Variants in TTI2 observed in about 807,000 individuals in gnomAD.
TTI2 encodes the protein TELO2 interacting protein 2.
Under a neutral mutation model 44.9 loss-of-function variants are expected in TTI2, and 26 were observed. The observed-to-expected ratio is 0.58, with a 90% CI of 0.42 to 0.80. The LOEUF (loss-of-function observed/expected upper bound fraction) is 0.80, where lower values mean the gene tolerates loss of function less well. Among genes scored for constraint, TTI2 ranks in the 30% least tolerant of loss-of-function variants. The pLI is 0.00. For synonymous variants in TTI2, 254 were observed against 250.9 expected (o/e 1.01, Z -0.12); for missense variants, 582 against 611.6 (o/e 0.95, Z 0.51).
intron 4 of TTI2, among the ~76,000 whole-genome samples, chr8:33,506,917 A>C: frequency 6.7e-6 from 1 of 148,424 alleles, no homozygotes; most frequent in Non-Finnish European, 1.5e-5. Flanking sequence ...CTGGTCTCGA[A>C]CTCCTGACCT....
At chr8:33,511,587 G>C (rs943945250) in intron 2 of TTI2, among the ~76,000 whole-genome samples, 7 of 151,986 alleles carry the variant, frequency 4.6e-5, no homozygotes, top group African/African-American at 1.4e-4. Context: ...GAGGTATAAC[G>C]CTATAAAAAA....
At chr8:33,509,978 G>GAAAAAAAAAA in intron 2 of TTI2, 46 bp from the exon 3 acceptor site, 3 of 265,302 alleles carry the variant, frequency 1.1e-5, no homozygotes, top group East Asian at 6.6e-5. Flanking sequence ...GTGATAAGTA[G>GAAAAAAAAAA]CAAAAAAAAA....
intron 6 of TTI2, among the ~76,000 whole-genome samples, chr8:33,501,926 C>T (rs1468342763): frequency 6.6e-6 from 1 of 151,946 alleles, no homozygotes; most frequent in Non-Finnish European, 1.5e-5. Flanking sequence ...CATTAGTATG[C>T]TTTTTTTAAA....
At chr8:33,512,892 A>G in intron 1 of TTI2, 180 bp from the exon 2 acceptor site, 1 of 287,590 alleles carries the variant, frequency 3.5e-6, no homozygotes, top group South Asian at 6.1e-5. Context: ...AAAAAAAAAA[A>G]AAAAAGAATA....
At chr8:33,500,246 A>T in intron 7 of TTI2, 82 bp downstream of exon 7, 1 of 1,550,546 alleles carries the variant, frequency 6.4e-7, no homozygotes, top group Non-Finnish European at 8.9e-7. Context: ...GGTCAGGCAC[A>T]TACATAGTAA....
At chr8:33,504,288 C>CTT (rs1563352474) in intron 4 of TTI2, among the ~76,000 whole-genome samples, 1 of 55,784 alleles carries the variant, frequency 1.8e-5, no homozygotes, top group Admixed American at 1.6e-4. Flanking sequence ...GATATTTACA[C>CTT]ATTTTTTTTT....
At position 33,507,404 on chromosome 8, in the gene TTI2, G is replaced by A. The variant is rs1809338994; in HGVS notation, c.835-83C>T. The A allele has an allele frequency of 2.4e-6, 3 of 1,238,332 alleles. No individual in the cohort carries two copies. The African/African-American group carries it at 4.5e-5, about 18-fold the overall frequency. The allele number at this position is 1,238,332 out of a possible 1,614,324, so 76.7% of individuals were successfully genotyped here. ...GACTATCTTTGAAATTGGATTATGGGTATGAAGCATGAAGAACATGCCATC... is the reference window on the plus strand; with the variant it reads ...GACTATCTTTGAAATTGGATTATGGATATGAAGCATGAAGAACATGCCATC... On this transcript the variant is annotated intron_variant, in intron 3 of 7. Transcript: ENST00000431156.
chr8:33,499,990 T>G, intron 7 of TTI2: 1 of 179,418 alleles, frequency 5.6e-6, no homozygotes, highest in Non-Finnish European at 1.2e-5. Flanking sequence ...TATAGCCCAT[T>G]ATTTTTACTT....
At chr8:33,511,914 A>G in intron 2 of TTI2, 53 bp downstream of exon 2, 1 of 1,569,510 alleles carries the variant, frequency 6.4e-7, no homozygotes. Flanking sequence ...AATAAAAAAT[A>G]AAAATAAAAA....
Position 33,498,798 on chromosome 8 carries a change from G to T in TTI2, c.*375C>A. On this transcript the variant is annotated 3_prime_UTR_variant, in exon 8 of 8. Transcript: ENST00000431156. The stretch of plus-strand genomic sequence containing the variant: ...GTCAGTGGGGCAAGAAATCTGGAGT[G>T]AGTGAAGAAAGCTAAGTTGTGAACA... 3 of 651,414 alleles carry T rather than the reference G, an allele frequency of 4.6e-6. No homozygotes were observed. The highest frequency in any genetic ancestry group is 2.0e-5 in the South Asian group (1 of 48,972). 40.4% of individuals were successfully genotyped at this position (651,414 alleles called of 1,614,324 possible). A position where few individuals can be genotyped will look rare whatever the true frequency, so the allele number is the denominator to read the frequency against.
chr8:33,512,116 C>G lies in TTI2; in HGVS notation c.498G>C (p.Pro166=), dbSNP rs770338949. Residue 166 remains proline, a synonymous_variant, in exon 2 of 8, where the codon CCG becomes CCC. Transcript: ENST00000431156. ...CCTCCCTAGCAACTTCCCGAGATCT[C>G]GGAGTGGTCCATGGTTGCTCCAAGC... The part of the protein sequence containing the change: ...THSLEQPWTT[P]RSREVAREVL... 1 of 1,614,140 alleles carries G rather than the reference C, an allele frequency of 6.2e-7. No individual in the cohort carries two copies.
At position 33,512,520 on chromosome 8, in the gene TTI2, T is replaced by A; in HGVS notation, c.94A>T (p.Lys32Ter). Residue 32 changes from lysine (K) to a stop codon, truncating the protein, a stop_gained, in exon 2 of 8, where the codon AAG becomes TAG. Transcript: ENST00000431156. LOFTEE classifies it high-confidence loss of function. ...SHSAFGQAFS[K>*]ILHCLARPEA... Reference sequence around the variant, plus strand: ...GGGCGGGCAAGACAGTGTAAAATCTTGGAGAAGGCCTGTCCAAAGGCGGAG... The same window carrying A: ...GGGCGGGCAAGACAGTGTAAAATCTAGGAGAAGGCCTGTCCAAAGGCGGAG... 6.2e-7 allele frequency: 1 copy of A among 1,614,148 alleles called. No homozygotes were observed. The highest frequency in any genetic ancestry group is 8.5e-7 in the Non-Finnish European group (1 of 1,180,034).
chr8:33,503,200 T>C (rs1434991111), intron 6 of TTI2, among the ~76,000 whole-genome samples: 1 of 151,656 alleles, frequency 6.6e-6, no homozygotes, highest in African/African-American at 2.4e-5. Flanking sequence ...TGTCAGAATC[T>C]GGAACTGATA....
chr8:33,502,620 C>G (rs145567686), intron 6 of TTI2, among the ~76,000 whole-genome samples: 111 of 152,016 alleles, frequency 7.3e-4, no homozygotes, highest in Admixed American at 1.7e-3. Flanking sequence ...GTCAGGAGTT[C>G]GAGACCAGCC....
chr8:33,500,708 C>G, intron 6 of TTI2: 1 of 518,654 alleles, frequency 1.9e-6, no homozygotes, highest in Non-Finnish European at 3.4e-6. Flanking sequence ...ACAGACACAC[C>G]CTCTGCCACA....
rs1380895036 is a variant in TTI2 at position 33,498,859 on chromosome 8, C to T, written c.*314G>A. ...TATAGCATATGTGTTGAAGTAACAG[C>T]TTGTGCCCGAGAAACTTAACAGATG... is the stretch of plus-strand genomic sequence containing the variant. On this transcript the variant is annotated 3_prime_UTR_variant, in exon 8 of 8. Coordinates refer to ENST00000431156, the MANE Select transcript of TTI2 (RefSeq NM_001102401.4). The T allele has an allele frequency of 3.4e-6, 2 of 587,432 alleles. No individual in the cohort carries two copies. Among genetic ancestry groups the T allele is most frequent in the East Asian group, 2.8e-5 (1 of 35,112 alleles). The allele number at this position is 587,432 out of a possible 1,614,324, so 36.4% of individuals were successfully genotyped here.
intron 3 of TTI2, among the ~76,000 whole-genome samples, chr8:33,509,308 T>G (rs530511348): frequency 1.5e-4 from 22 of 150,418 alleles, no homozygotes; most frequent in Non-Finnish European, 2.8e-4. Context: ...AATACAAAAA[T>G]TAGTTGGGCA....
Position 33,499,174 on chromosome 8 carries a change from T to G in TTI2, c.1526A>C (p.Ter509SerextTer78), listed in dbSNP as rs768459610. 6.2e-7 allele frequency: 1 copy of G among 1,611,804 alleles called. No individual in the cohort carries two copies. ...VSEGAPYNGT[*>S] is the part of the protein sequence containing the mutation. ...CCTCTTGGGAAAGTAATACAAGTCT[T>G]AAGTTCCATTGTAGGGTGCGCCTTC... is the stretch of plus-strand genomic sequence containing the variant. Residue 509 changes from the stop codon to serine, a stop_lost, in exon 8 of 8, where the codon TAA becomes TCA. Transcript: ENST00000431156.
At position 33,512,693 on chromosome 8, in the gene TTI2, G is replaced by T. The variant is rs1447989007; in HGVS notation, c.-80C>A. ...GGGAGGGATCCGTTGAAGAGGGAAGGAGCGATCACCCAAAGAGAACTAAAA... is the reference window on the plus strand; with the variant it reads ...GGGAGGGATCCGTTGAAGAGGGAAGTAGCGATCACCCAAAGAGAACTAAAA... On this transcript the variant is annotated 5_prime_UTR_variant, in exon 2 of 8. Coordinates refer to ENST00000431156, the MANE Select transcript of TTI2 (RefSeq NM_001102401.4). The T allele has an allele frequency of 1.4e-5, 21 of 1,509,270 alleles. No homozygotes were observed. The highest frequency in any genetic ancestry group is 1.7e-5 in the Non-Finnish European group (19 of 1,106,258). 93.5% of individuals were successfully genotyped at this position (1,509,270 alleles called of 1,614,324 possible).
Sources: allele counts gnomAD v4.1 joint callset (sites outside exome capture counted in the v4.1 genomes callset), GRCh38; gene constraint gnomAD v4.1.1; transcripts MANE v1.5; gene names NCBI Gene and HGNC (gene_info 2026-07-23, HGNC 2026-07-21).